Variants in GPC5 observed in about 807,000 individuals in gnomAD.
The protein encoded by GPC5 is glypican-5.
GPC5 carries 47 observed loss-of-function variants against 53.9 expected under a neutral mutation model. The ratio of observed to expected loss-of-function variants is 0.87; its 90% CI spans 0.69 to 1.11. The LOEUF is 1.11. GPC5 is among the 50% of genes most tolerant of loss of function. The pLI is 0.00. For missense variants in GPC5, 748 were observed against 713.1 expected (o/e 1.05, Z -0.56); for synonymous variants, 286 against 263.3 (o/e 1.09, Z -0.84).
intron 7 of GPC5, among the ~76,000 whole-genome samples, chr13:92,431,564 G>C (rs1877087687): frequency 6.6e-6 from 1 of 152,030 alleles, no homozygotes; most frequent in South Asian, 2.1e-4. Flanking sequence ...TTAATATTTA[G>C]AAGCAAAGTC....
chr13:92,250,847 G>T (rs905387836), intron 7 of GPC5, among the ~76,000 whole-genome samples: 3 of 151,862 alleles, frequency 2.0e-5, no homozygotes, highest in African/African-American at 7.3e-5. Flanking sequence ...CTTTATGATG[G>T]CATATGGCAG....
intron 7 of GPC5, among the ~76,000 whole-genome samples, chr13:92,188,232 T>C (rs957109998): frequency 1.3e-5 from 2 of 152,198 alleles, no homozygotes; most frequent in Admixed American, 1.3e-4. Flanking sequence ...TTCCATGCAG[T>C]TCCAAATGTA....
intron 7 of GPC5, among the ~76,000 whole-genome samples, chr13:92,786,901 G>C (rs1040150793): frequency 6.6e-6 from 1 of 152,154 alleles, no homozygotes; most frequent in Non-Finnish European, 1.5e-5. Context: ...TCCAGCAACA[G>C]GCAAAGGGAT....
At chr13:92,417,849 C>G (rs1050537199) in intron 7 of GPC5, among the ~76,000 whole-genome samples, 2 of 152,122 alleles carry the variant, frequency 1.3e-5, no homozygotes, top group African/African-American at 4.8e-5. Context: ...TGAAATTGCA[C>G]CACTGCATTC....
chr13:92,281,970 T>A (rs570177782), intron 7 of GPC5, among the ~76,000 whole-genome samples: 2,982 of 152,034 alleles, frequency 0.02, 93 homozygotes, highest in African/African-American at 0.068. Context: ...GGAAGTTCAA[T>A]CCCAACACAA....
rs996992480 is a variant in GPC5, at chr13:91,796,017, TGGC to T, written c.1280+39600_1280+39602del. ...TTTGCTCCCAGAGCTCCCAAGATGG[TGGC>T]GGGCTACTCCCAGGATGGTGGCCAG... On this transcript the variant is annotated intron_variant, in intron 5 of 7. Transcript: ENST00000377067. Among the ~76,000 whole-genome samples, 5 of 152,086 alleles carry T rather than the reference TGGC, an allele frequency of 3.3e-5. No individual in the cohort carries two copies. In the South Asian group the frequency reaches 6.2e-4, roughly 19 times the overall value.
chr13:91,464,284 T>C (rs1019459107), intron 2 of GPC5, among the ~76,000 whole-genome samples: 1 of 152,126 alleles, frequency 6.6e-6, no homozygotes, highest in African/African-American at 2.4e-5. Context: ...TTCATGGTAA[T>C]ATAAAATGGC....
intron 7 of GPC5, among the ~76,000 whole-genome samples, chr13:92,539,321 C>T (rs1006831222): frequency 1.3e-5 from 2 of 151,954 alleles, no homozygotes; most frequent in African/African-American, 4.8e-5. Context: ...TCCACATCTT[C>T]TCCAGCATCT....
intron 7 of GPC5, among the ~76,000 whole-genome samples, chr13:92,168,257 C>G (rs1448304060): frequency 6.6e-6 from 1 of 152,144 alleles, no homozygotes; most frequent in Non-Finnish European, 1.5e-5. Flanking sequence ...CTAGGCAATA[C>G]CTTTCAGGAC....
In GPC5 at chr13:92,471,630, A is replaced by G. The variant is rs531454960; in HGVS notation, c.1561+326641A>G. Among the ~76,000 whole-genome samples, 6 of 152,246 alleles carry G rather than the reference A, an allele frequency of 3.9e-5. No individual in the cohort carries two copies. In the South Asian group the frequency reaches 6.2e-4, roughly 16 times the overall value. ...ATATATTATATATAAATACACATAT[A>G]CATATATATAGAGAGAGAGGGAGAG... On this transcript the variant is annotated intron_variant, in intron 7 of 7. Coordinates refer to ENST00000377067, the MANE Select transcript of GPC5 (RefSeq NM_004466.6).
intron 2 of GPC5, among the ~76,000 whole-genome samples, chr13:91,633,541 C>A (rs1229628877): frequency 6.6e-6 from 1 of 152,114 alleles, no homozygotes; most frequent in South Asian, 2.1e-4. Flanking sequence ...TGGTGTCAAA[C>A]TAATTTTAAA....
At chr13:91,436,381 G>A (rs1347353443) in intron 1 of GPC5, among the ~76,000 whole-genome samples, 4 of 151,728 alleles carry the variant, frequency 2.6e-5, no homozygotes, top group Non-Finnish European at 5.9e-5. Context: ...ATTCTGGTAT[G>A]TTGTGTCTTT....
At chr13:92,338,281 A>G (rs2043338875) in intron 7 of GPC5, among the ~76,000 whole-genome samples, 1 of 152,098 alleles carries the variant, frequency 6.6e-6, no homozygotes, top group Non-Finnish European at 1.5e-5. Flanking sequence ...AATTCAAAAC[A>G]CCAAATGCTG....
intron 7 of GPC5, among the ~76,000 whole-genome samples, chr13:92,360,202 A>C (rs1360376311): frequency 6.6e-6 from 1 of 151,700 alleles, no homozygotes; most frequent in Non-Finnish European, 1.5e-5. Flanking sequence ...GGTGCCTTCT[A>C]GCATTTTAAA....
intron 7 of GPC5, among the ~76,000 whole-genome samples, chr13:92,851,115 T>C (rs879707878): frequency 5.3e-5 from 8 of 152,112 alleles, no homozygotes; most frequent in Admixed American, 2.6e-4. Context: ...GGGGAGGTGC[T>C]ACATACTTTT....
At chr13:92,354,152 T>G (rs574544114) in intron 7 of GPC5, among the ~76,000 whole-genome samples, 25 of 152,352 alleles carry the variant, frequency 1.6e-4, no homozygotes, top group African/African-American at 5.5e-4. Flanking sequence ...AAGTCATATG[T>G]GCCCTGAACT....
intron 7 of GPC5, among the ~76,000 whole-genome samples, chr13:92,646,303 A>T (rs1310703195): frequency 5.3e-5 from 8 of 152,156 alleles, no homozygotes; most frequent in Admixed American, 4.6e-4. Context: ...ATTGAAAATC[A>T]ATCATTGTAG....
intron 5 of GPC5, among the ~76,000 whole-genome samples, chr13:91,819,953 T>C (rs1425786110): frequency 6.6e-6 from 1 of 152,202 alleles, no homozygotes; most frequent in Non-Finnish European, 1.5e-5. Flanking sequence ...AGTTATATTT[T>C]TCTTAATTTG....
intron 5 of GPC5, among the ~76,000 whole-genome samples, chr13:91,888,406 A>G (rs997153039): frequency 5.3e-5 from 8 of 152,156 alleles, no homozygotes; most frequent in African/African-American, 9.7e-5. Flanking sequence ...GGAAGTGATC[A>G]TTTTTGTAAA....
Sources: allele counts gnomAD v4.1 joint callset (sites outside exome capture counted in the v4.1 genomes callset), GRCh38; gene constraint gnomAD v4.1.1; transcripts MANE v1.5; gene names NCBI Gene and HGNC (gene_info 2026-07-23, HGNC 2026-07-21).